CSNK1E: variants seen among roughly 807,000 people sequenced by gnomAD.
CSNK1E encodes the protein casein kinase 1 epsilon.
CSNK1E carries 17 observed loss-of-function variants against 46.1 expected under a neutral mutation model. The observed-to-expected ratio is 0.37, with a 90% CI of 0.25 to 0.55. The LOEUF (loss-of-function observed/expected upper bound fraction) is 0.55, where lower values mean the gene tolerates loss of function less well. Among genes scored for constraint, CSNK1E ranks in the 20% least tolerant of loss-of-function variants. CSNK1E has a pLI of 0.82. For synonymous variants in CSNK1E, 241 were observed against 242.6 expected, an observed-to-expected ratio of 0.99 and a Z score of 0.06; for missense variants, 386 against 595.4, an observed-to-expected ratio of 0.65 and a Z score of 3.66.
intron 2 of CSNK1E, among the ~76,000 whole-genome samples, chr22:38,312,227 T>G (rs970440871): frequency 1.3e-5 from 2 of 152,216 alleles, no homozygotes; most frequent in Admixed American, 6.5e-5. Flanking sequence ...TAGCTGAGAT[T>G]ACAGGCGCGT....
chr22:38,295,665 C>T (rs2092636612), intron 7 of CSNK1E, among the ~76,000 whole-genome samples: 1 of 152,204 alleles, frequency 6.6e-6, no homozygotes, highest in African/African-American at 2.4e-5. Flanking sequence ...CGGGGTTGCA[C>T]AGCTCAGGGC....
rs911139066 is a variant in CSNK1E, at chr22:38,300,254, C to G, written c.566-189G>C. On this transcript the variant is annotated intron_variant, in intron 5 of 10. Transcript: ENST00000396832. This position sits in a 1 kb window ranked among gnomAD's most constrained non-coding sequence, Gnocchi z 4.4. Reference sequence around the variant, plus strand: ...ACAGAGAAGAAGCCTGAGGCAGGGCCTTCTCAACTTAATTTGGGCCTAGTT... The same window carrying G: ...ACAGAGAAGAAGCCTGAGGCAGGGCGTTCTCAACTTAATTTGGGCCTAGTT... 2.0e-5 allele frequency among the ~76,000 whole-genome samples: 3 copies of G among 152,184 alleles called. No homozygotes were observed. Among genetic ancestry groups the G allele is most frequent in the Admixed American group, 2.0e-4 (3 of 15,276 alleles).
rs992283938 is a variant in CSNK1E, at chr22:38,291,357, C to CAT, written c.*613_*614insAT. On this transcript the variant is annotated 3_prime_UTR_variant, in exon 11 of 11. Transcript: ENST00000396832. ...ATACATCCACACACACACACACACACACACACGCAGGGGACGCCGGCCCCC... is the reference window on the plus strand; with the variant it reads ...ATACATCCACACACACACACACACACATACACACGCAGGGGACGCCGGCCCCC... 1.3e-5 allele frequency: 2 copies of CAT among 151,988 alleles called. No homozygotes were observed. Among genetic ancestry groups the CAT allele is most frequent in the African/African-American group, 4.9e-5 (2 of 41,128 alleles). The allele number at this position is 151,988 out of a possible 1,614,324, so 9.4% of individuals were successfully genotyped here.
chr22:38,293,000 C>T, intron 10 of CSNK1E: 1 of 522,540 alleles, frequency 1.9e-6, no homozygotes, highest in Non-Finnish European at 3.4e-6. Context: ...AGAGACCTGG[C>T]CGAGGGCAGA....
chr22:38,311,255 A>G (rs941795249), intron 2 of CSNK1E, among the ~76,000 whole-genome samples: 1 of 152,252 alleles, frequency 6.6e-6, no homozygotes, highest in Non-Finnish European at 1.5e-5. Flanking sequence ...GGACAAGGTC[A>G]TCACCTGCTC....
At chr22:38,296,318 C>T (rs915442005) in intron 7 of CSNK1E, 26 of 1,326,116 alleles carry the variant, frequency 2.0e-5, no homozygotes, top group Non-Finnish European at 2.5e-5. Context: ...AATTCCTTCC[C>T]GGCCAGCTGA....
intron 2 of CSNK1E, among the ~76,000 whole-genome samples, chr22:38,304,284 G>A (rs1311927830): frequency 1.3e-5 from 2 of 152,158 alleles, no homozygotes; most frequent in African/African-American, 4.8e-5. Context: ...AGGAAAAGAT[G>A]AGACTGTTCA....
intron 1 of CSNK1E, among the ~76,000 whole-genome samples, chr22:38,316,381 C>G (rs1214649109): frequency 6.6e-6 from 1 of 152,196 alleles, no homozygotes; most frequent in Non-Finnish European, 1.5e-5. Flanking sequence ...CTCCTCTCTC[C>G]AAATCCTTCT....
At chr22:38,296,518 T>C in intron 7 of CSNK1E, 1 of 1,591,324 alleles carries the variant, frequency 6.3e-7, no homozygotes, top group Non-Finnish European at 8.6e-7. Flanking sequence ...GCCAGGGGAC[T>C]GCTGGAGGTG....
At position 38,300,560 on chromosome 22, in the gene CSNK1E, A is replaced by C. The variant is rs1269244693; in HGVS notation, c.565+164T>G. ...TACGAAGGGGAAGACCCGACTGTGC[A>C]AGGACACGGAATAAGCACGAGCTTG... On this transcript the variant is annotated intron_variant, in intron 5 of 10. Coordinates refer to ENST00000396832, the MANE Select transcript of CSNK1E (RefSeq NM_152221.3). The surrounding 1 kb of genome is among the most constrained non-coding windows in gnomAD (Gnocchi z 4.4). Among the ~76,000 whole-genome samples, 1 of 152,234 alleles carries C rather than the reference A, an allele frequency of 6.6e-6. No individual in the cohort carries two copies. Among genetic ancestry groups the C allele is most frequent in the Non-Finnish European group, 1.5e-5 (1 of 68,040 alleles).
At chr22:38,316,661 T>G (rs1345112126) in intron 1 of CSNK1E, 1 of 152,176 alleles carries the variant, frequency 6.6e-6, no homozygotes, top group African/African-American at 2.4e-5. Flanking sequence ...ACACACCTCT[T>G]CACCTTAGGA....
chr22:38,296,565 A>C, intron 7 of CSNK1E: 2 of 1,612,386 alleles, frequency 1.2e-6, no homozygotes, highest in Admixed American at 1.7e-5. Flanking sequence ...ATTGAGTCAG[A>C]GATTGGCAAA....
chr22:38,313,976 C>T, intron 2 of CSNK1E, 106 bp downstream of exon 2: 1 of 1,067,300 alleles, frequency 9.4e-7, no homozygotes, highest in Non-Finnish European at 1.4e-6. Context: ...CAAATCATGC[C>T]CCTGGAGCCA....
At position 38,300,652 on chromosome 22, in the gene CSNK1E, G is replaced by A; in HGVS notation, c.565+72C>T. 6.9e-7 allele frequency: 1 copy of A among 1,451,698 alleles called. No homozygotes were observed. Among genetic ancestry groups the A allele is most frequent in the South Asian group, 1.2e-5 (1 of 82,740 alleles). The allele number at this position is 1,451,698 out of a possible 1,614,324, so 89.9% of individuals were successfully genotyped here. On this transcript the variant is annotated intron_variant, in intron 5 of 10. Transcript: ENST00000396832. This position sits in a 1 kb window ranked among gnomAD's most constrained non-coding sequence, Gnocchi z 4.4. ...GGGGGCCTCCATCAGGGTAGGGGGT[G>A]AGAGGGCTCCAGAGAGCTGGGCCCC...
chr22:38,317,591 C>T (rs1188578959), upstream of CSNK1E, among the ~76,000 whole-genome samples: 2 of 151,974 alleles, frequency 1.3e-5, no homozygotes, highest in Non-Finnish European at 2.9e-5. Context: ...AGTGCAGGCG[C>T]GCGGGCTTAC....
chr22:38,296,703 T>C (rs749520761), intron 7 of CSNK1E: 2 of 1,609,674 alleles, frequency 1.2e-6, no homozygotes, highest in Non-Finnish European at 1.7e-6. Context: ...GGAAAAGAGA[T>C]CTTGCTGGCT....
chr22:38,316,272 G>C (rs1222809893), intron 1 of CSNK1E, among the ~76,000 whole-genome samples: 1 of 152,146 alleles, frequency 6.6e-6, no homozygotes, highest in Non-Finnish European at 1.5e-5. Flanking sequence ...TCCCTCGGAC[G>C]ATTAAAATAA....
In CSNK1E at chr22:38,302,849, A is replaced by T; in HGVS notation, c.336+12T>A. The T allele has an allele frequency of 6.2e-7, 1 of 1,613,640 alleles. No homozygotes were observed. Among genetic ancestry groups the T allele is most frequent in the South Asian group, 1.1e-5 (1 of 91,040 alleles). On this transcript the variant is annotated intron_variant, in intron 4 of 10. Coordinates refer to ENST00000396832, the MANE Select transcript of CSNK1E (RefSeq NM_152221.3). ...AGGCATCTGGCTGGGGATGGAGGGG[A>T]CGGGGACTCACCATCTGGTCGGCCA...
At chr22:38,299,160 G>A (rs762152435) in intron 6 of CSNK1E, among the ~76,000 whole-genome samples, 2 of 152,222 alleles carry the variant, frequency 1.3e-5, no homozygotes, top group East Asian at 1.9e-4. Flanking sequence ...GAAGACCTGC[G>A]AACAGTGGCC....
Sources: allele counts gnomAD v4.1 joint callset (sites outside exome capture counted in the v4.1 genomes callset), GRCh38; gene constraint gnomAD v4.1.1; non-coding constraint Gnocchi (gnomAD v3.1); transcripts MANE v1.5; gene names NCBI Gene and HGNC (gene_info 2026-07-23, HGNC 2026-07-21).